Variants in DDAH1 observed in about 807,000 individuals in gnomAD.
DDAH1 encodes dimethylarginine dimethylaminohydrolase 1.
A neutral mutation model predicts 28.8 loss-of-function variants in DDAH1; 19 were observed. The ratio of observed to expected loss-of-function variants is 0.66; its 90% CI spans 0.46 to 0.97. The LOEUF (loss-of-function observed/expected upper bound fraction) is 0.97, where lower values mean the gene tolerates loss of function less well. DDAH1 is among the 50% of genes least tolerant of loss of function. The probability of loss-of-function intolerance (pLI) is 0.00; values close to 1 mark genes in which losing one functional copy is unlikely to be tolerated. For missense variants in DDAH1, 326 were observed against 375.9 expected (o/e 0.87, Z 1.10); for synonymous variants, 153 against 154.4 (o/e 0.99, Z 0.07).
chr1:85,429,041 G>A (rs980128256), intron 1 of DDAH1, among the ~76,000 whole-genome samples: 3 of 152,010 alleles, frequency 2.0e-5, no homozygotes, highest in African/African-American at 7.2e-5. Flanking sequence ...TATACTTTAA[G>A]TTCTGGGATA....
chr1:85,559,943 T>C (rs1213503946), intron 1 of DDAH1, among the ~76,000 whole-genome samples: 1 of 151,850 alleles, frequency 6.6e-6, no homozygotes, highest in Non-Finnish European at 1.5e-5. Flanking sequence ...CCCAATTTGA[T>C]AAAAAGAATA....
At chr1:85,555,491 T>A (rs1658935521) in intron 1 of DDAH1, among the ~76,000 whole-genome samples, 1 of 152,178 alleles carries the variant, frequency 6.6e-6, no homozygotes, top group African/African-American at 2.4e-5. Flanking sequence ...CAAAAATTCC[T>A]TCAAGAGGCC....
intron 1 of DDAH1, among the ~76,000 whole-genome samples, chr1:85,570,530 A>G (rs1333628263): frequency 6.6e-6 from 1 of 152,198 alleles, no homozygotes. Flanking sequence ...TTTTTTAAAC[A>G]CAAAATAAGA....
chr1:85,498,400 CTT>C (rs1038202863), intron 1 of DDAH1, among the ~76,000 whole-genome samples: 2 of 152,184 alleles, frequency 1.3e-5, no homozygotes, highest in East Asian at 1.9e-4. Context: ...AATAATAAAA[CTT>C]ATCGTGGAGC....
At chr1:85,416,087 T>C (rs1557602655) in intron 1 of DDAH1, among the ~76,000 whole-genome samples, 1 of 152,088 alleles carries the variant, frequency 6.6e-6, no homozygotes. Flanking sequence ...GCTCATACTT[T>C]TAGTTTTGAG....
intron 1 of DDAH1, among the ~76,000 whole-genome samples, chr1:85,458,248 T>C (rs1338099183): frequency 6.6e-6 from 1 of 152,190 alleles, no homozygotes; most frequent in East Asian, 1.9e-4. Context: ...CTGATTCCTC[T>C]TGTCATAGTT....
At chr1:85,328,728 T>C (rs1415527298) in intron 4 of DDAH1, among the ~76,000 whole-genome samples, 1 of 152,150 alleles carries the variant, frequency 6.6e-6, no homozygotes, top group African/African-American at 2.4e-5. Flanking sequence ...GAGAGATCCT[T>C]AGAACATGTA....
chr1:85,337,373 C>G (rs1409497152), intron 4 of DDAH1, among the ~76,000 whole-genome samples: 1 of 152,056 alleles, frequency 6.6e-6, no homozygotes, highest in Non-Finnish European at 1.5e-5. Flanking sequence ...TTGGACTTAA[C>G]TGCATACACT....
chr1:85,436,099 C>T (rs1159183652), intron 1 of DDAH1, among the ~76,000 whole-genome samples: 1 of 152,004 alleles, frequency 6.6e-6, no homozygotes. Context: ...CCGCGCCCAG[C>T]CACTTATATC....
intron 2 of DDAH1, among the ~76,000 whole-genome samples, chr1:85,355,858 G>A (rs1404741900): frequency 6.6e-6 from 1 of 152,096 alleles, no homozygotes; most frequent in Non-Finnish European, 1.5e-5. Flanking sequence ...TAGATCAAAA[G>A]TAGAAAAATC....
intron 1 of DDAH1, among the ~76,000 whole-genome samples, chr1:85,502,067 T>C (rs900966327): frequency 1.3e-5 from 2 of 152,246 alleles, no homozygotes; most frequent in Non-Finnish European, 2.9e-5. Context: ...CGCTGGAATT[T>C]ATGCCAGGTA....
intron 1 of DDAH1, among the ~76,000 whole-genome samples, chr1:85,430,380 G>A (rs1274208396): frequency 6.6e-6 from 1 of 152,116 alleles, no homozygotes; most frequent in African/African-American, 2.4e-5. Context: ...TTGGCTATAT[G>A]GGCTCTGTTT....
chr1:85,355,374 C>G (rs1649438692), intron 2 of DDAH1, among the ~76,000 whole-genome samples: 1 of 152,012 alleles, frequency 6.6e-6, no homozygotes, highest in African/African-American at 2.4e-5. Flanking sequence ...TAATGTAACT[C>G]TTTTATCAAA....
chr1:85,412,415 A>G (rs1047601612), intron 1 of DDAH1, among the ~76,000 whole-genome samples: 3 of 152,176 alleles, frequency 2.0e-5, no homozygotes, highest in Admixed American at 2.0e-4. Context: ...CCTTCACTCA[A>G]CACAAGACGA....
intron 2 of DDAH1, among the ~76,000 whole-genome samples, chr1:85,472,660 A>G (rs1035139726): frequency 6.6e-6 from 1 of 152,182 alleles, no homozygotes; most frequent in Admixed American, 6.5e-5. Context: ...GTACTATATA[A>G]ATATGTTGAG....
intron 1 of DDAH1, among the ~76,000 whole-genome samples, chr1:85,376,389 A>G (rs1650664712): frequency 6.6e-6 from 1 of 152,190 alleles, no homozygotes; most frequent in Non-Finnish European, 1.5e-5. Context: ...TGGAAAACAA[A>G]TAAAGGAAAC....
chr1:85,454,147 A>G (rs1654782324), intron 1 of DDAH1, among the ~76,000 whole-genome samples: 1 of 152,156 alleles, frequency 6.6e-6, no homozygotes, highest in African/African-American at 2.4e-5. Flanking sequence ...AAAATGCAAA[A>G]GATGCAAGTT....
chr1:85,523,642 T>G (rs1481667852), intron 1 of DDAH1, among the ~76,000 whole-genome samples: 24 of 152,124 alleles, frequency 1.6e-4, no homozygotes, highest in African/African-American at 5.5e-4. Flanking sequence ...TAAAATAGAT[T>G]GCAGCAAGAA....
At position 85,425,969 on chromosome 1, in the gene DDAH1, A is replaced by G. The variant is rs1022791105; in HGVS notation, c.303+38774T>C. ...CTAGCTACCGGGGATATACATTTAC[A>G]AAACAGATTTTAAAATATCCTGTCC... On this transcript the variant is annotated intron_variant, in intron 1 of 5. Coordinates refer to ENST00000284031, the MANE Select transcript of DDAH1 (RefSeq NM_012137.4). Among the ~76,000 whole-genome samples the G allele has an allele frequency of 3.9e-5, 6 of 152,206 alleles. No homozygotes were observed. In the East Asian group the frequency reaches 1.2e-3, roughly 29 times the overall value.
Sources: allele counts gnomAD v4.1 joint callset (sites outside exome capture counted in the v4.1 genomes callset), GRCh38; gene constraint gnomAD v4.1.1; transcripts MANE v1.5; gene names NCBI Gene and HGNC (gene_info 2026-07-23, HGNC 2026-07-21).